NBEA: variants seen among roughly 807,000 people sequenced by gnomAD.
NBEA encodes the protein lysosomal-trafficking regulator 2.
A neutral mutation model predicts 343.4 loss-of-function variants in NBEA; 44 were observed. The observed-to-expected ratio is 0.13, with a 90% CI of 0.10 to 0.16. The LOEUF is 0.16. Ranked by LOEUF, NBEA falls within the 10% of genes least tolerant of loss-of-function variation. The probability of loss-of-function intolerance (pLI) is 1.00; values close to 1 mark genes in which losing one functional copy is unlikely to be tolerated. For missense variants in NBEA, 2,555 were observed against 3,631.3 expected (o/e 0.70, Z 7.62); for synonymous variants, 1,175 against 1,238.7 (o/e 0.95, Z 1.08).
In NBEA at chr13:35,611,059, C is replaced by A. The variant is rs1386956386; in HGVS notation, c.7449+4481C>A. On this transcript the variant is annotated intron_variant, in intron 48 of 58. Transcript: ENST00000379939. ...ATTAAAAGGGGGAAAAAAAAAAAAA[C>A]CTCTGACATCCCAAGCCCTGGTAGA... Among the ~76,000 whole-genome samples the A allele has an allele frequency of 4.9e-5, 7 of 142,216 alleles. No homozygotes were observed. The East Asian group carries it at 6.0e-4, about 12-fold the overall frequency. 93.3% of individuals were successfully genotyped at this position (142,216 alleles called of 152,430 possible).
chr13:35,127,647 A>C (rs1017067051), intron 17 of NBEA, among the ~76,000 whole-genome samples: 1 of 152,178 alleles, frequency 6.6e-6, no homozygotes, highest in African/African-American at 2.4e-5. Flanking sequence ...TGTAGATGAA[A>C]GGAAAAAATT....
intron 1 of NBEA, among the ~76,000 whole-genome samples, chr13:34,963,874 A>T (rs945125431): frequency 3.9e-5 from 6 of 152,048 alleles, no homozygotes; most frequent in African/African-American, 1.4e-4. Context: ...TCTAGGTCTT[A>T]CTTTTCTTTA....
At chr13:35,438,061 C>G (rs904778563) in intron 39 of NBEA, among the ~76,000 whole-genome samples, 4 of 151,986 alleles carry the variant, frequency 2.6e-5, no homozygotes, top group African/African-American at 9.7e-5. Context: ...AAGACAGCAT[C>G]TTAAATAGGT....
chr13:35,500,980 G>A (rs567738485), intron 41 of NBEA, among the ~76,000 whole-genome samples: 3 of 152,048 alleles, frequency 2.0e-5, no homozygotes, highest in African/African-American at 7.2e-5. Context: ...AAAAAGAAGA[G>A]ACAATAGAAT....
intron 49 of NBEA, among the ~76,000 whole-genome samples, chr13:35,634,595 G>A (rs1008052322): frequency 5.3e-5 from 8 of 152,102 alleles, no homozygotes; most frequent in South Asian, 2.1e-4. Context: ...TCTTTTTAAC[G>A]GTGAGAGGTA....
intron 28 of NBEA, among the ~76,000 whole-genome samples, chr13:35,179,346 A>G (rs1464381273): frequency 6.6e-6 from 1 of 151,584 alleles, no homozygotes; most frequent in African/African-American, 2.4e-5. Context: ...CCATGGCAAC[A>G]CTTAAAGCAG....
At chr13:35,119,238 G>A (rs1234685106) in intron 16 of NBEA, among the ~76,000 whole-genome samples, 1 of 152,000 alleles carries the variant, frequency 6.6e-6, no homozygotes, top group Admixed American at 6.5e-5. Flanking sequence ...GGAATTCTTC[G>A]TTTTTATTTT....
intron 43 of NBEA, among the ~76,000 whole-genome samples, chr13:35,552,083 T>C (rs1287888039): frequency 6.6e-6 from 1 of 152,188 alleles, no homozygotes; most frequent in Non-Finnish European, 1.5e-5. Flanking sequence ...CAAAGGGAGA[T>C]TGACTTTAGG....
In NBEA at chr13:35,296,742, C is replaced by T. The variant is rs531196730; in HGVS notation, c.5838+6292C>T. On this transcript the variant is annotated intron_variant, in intron 35 of 58. Transcript: ENST00000379939. Reference sequence around the variant, plus strand: ...CAACAACTTTGAAAAATAGTGAAAACTATATATATATATATTTCACACTTT... The same window carrying T: ...CAACAACTTTGAAAAATAGTGAAAATTATATATATATATATTTCACACTTT... Among the ~76,000 whole-genome samples the T allele has an allele frequency of 7.3e-5, 11 of 150,908 alleles. No homozygotes were observed. In the South Asian group the frequency reaches 2.1e-3, roughly 29 times the overall value.
At position 35,062,964 on chromosome 13, in the gene NBEA, A is replaced by C. The variant is rs563844306; in HGVS notation, c.1239+4101A>C. Among the ~76,000 whole-genome samples the C allele has an allele frequency of 9.9e-5, 15 of 152,050 alleles. No homozygotes were observed. In the South Asian group the frequency reaches 2.5e-3, roughly 25 times the overall value. On this transcript the variant is annotated intron_variant, in intron 8 of 58. Coordinates refer to ENST00000379939, the MANE Select transcript of NBEA (RefSeq NM_001385012.1). ...TCTTGATAGAGTGATGTTGACTACAATTCAATGGCTAAAACAAAATTAACA... is the reference window on the plus strand; with the variant it reads ...TCTTGATAGAGTGATGTTGACTACACTTCAATGGCTAAAACAAAATTAACA...
intron 41 of NBEA, among the ~76,000 whole-genome samples, chr13:35,520,020 T>C (rs1003133564): frequency 1.3e-5 from 2 of 152,160 alleles, no homozygotes; most frequent in African/African-American, 2.4e-5. Flanking sequence ...TCATGGAAGA[T>C]CATTCTTCCA....
In NBEA at chr13:35,195,717, G is replaced by T; in HGVS notation, c.4928-147G>T. On this transcript the variant is annotated intron_variant, in intron 30 of 58. Transcript: ENST00000379939. The stretch of plus-strand genomic sequence containing the variant: ...TGGCTGGATGATATCTTTCAACTGA[G>T]TTGTGTTACTACTATGCACATCCGT... The T allele has an allele frequency of 6.1e-6, 4 of 655,504 alleles. No homozygotes were observed. The South Asian group carries it at 8.4e-5, about 14-fold the overall frequency. The allele number at this position is 655,504 out of a possible 1,614,324, so 40.6% of individuals were successfully genotyped here. A position where few individuals can be genotyped will look rare whatever the true frequency, so the allele number is the denominator to read the frequency against.
chr13:35,648,853 C>T (rs2084371397), intron 51 of NBEA, among the ~76,000 whole-genome samples: 1 of 138,972 alleles, frequency 7.2e-6, no homozygotes, highest in African/African-American at 2.6e-5. Flanking sequence ...CGCACTGGGG[C>T]CTGTCATGGG....
chr13:35,545,795 C>T (rs2079033437), intron 41 of NBEA, among the ~76,000 whole-genome samples: 1 of 152,082 alleles, frequency 6.6e-6, no homozygotes, highest in Admixed American at 6.6e-5. Context: ...GTCGAAAGTT[C>T]CATGGTAGTG....
At chr13:35,567,632 T>A (rs1454514306) in intron 45 of NBEA, among the ~76,000 whole-genome samples, 6 of 152,216 alleles carry the variant, frequency 3.9e-5, no homozygotes, top group African/African-American at 1.4e-4. Flanking sequence ...CTCTATAGTC[T>A]AAGCTTACGC....
intron 1 of NBEA, among the ~76,000 whole-genome samples, chr13:35,027,117 G>A (rs2062043503): frequency 6.6e-6 from 1 of 152,010 alleles, no homozygotes; most frequent in Admixed American, 6.6e-5. Context: ...TCCATGGTAT[G>A]GACTTTCCAC....
chr13:35,603,714 G>A (rs1009777843), intron 47 of NBEA, among the ~76,000 whole-genome samples: 1 of 152,122 alleles, frequency 6.6e-6, no homozygotes. Flanking sequence ...AATAACTGAC[G>A]AAAGGCAGTA....
chr13:35,114,662 C>T (rs1217888796), intron 13 of NBEA, among the ~76,000 whole-genome samples: 1 of 152,108 alleles, frequency 6.6e-6, no homozygotes, highest in African/African-American at 2.4e-5. Flanking sequence ...GCCCCTGAGG[C>T]CTCACTGGCT....
Position 35,109,611 on chromosome 13 carries a change from A to C in NBEA, c.1833+169A>C, listed in dbSNP as rs1480629449. On this transcript the variant is annotated intron_variant, in intron 12 of 58. Transcript: ENST00000379939. ...GAGATCAAAATATTTATAAGCAGTAAAATAAATGAAACAATAGGTAAAAAA... is the reference window on the plus strand; with the variant it reads ...GAGATCAAAATATTTATAAGCAGTACAATAAATGAAACAATAGGTAAAAAA... Among the ~76,000 whole-genome samples, 3 of 152,142 alleles carry C rather than the reference A, an allele frequency of 2.0e-5. No individual in the cohort carries two copies. In the East Asian group the frequency reaches 5.8e-4, roughly 29 times the overall value.
Sources: gnomAD v4.1 joint callset for allele counts (sites outside exome capture counted in the v4.1 genomes callset) on GRCh38, gnomAD v4.1.1 for gene constraint, MANE v1.5 for transcripts, NCBI Gene and HGNC (gene_info 2026-07-23, HGNC 2026-07-21) for gene names.